Variants in KTN1 observed in about 807,000 individuals in gnomAD.
KTN1 encodes the protein kinectin.
Under a neutral mutation model 222.5 loss-of-function variants are expected in KTN1, and 130 were observed. That is an observed-to-expected ratio of 0.58 (90% CI 0.51 to 0.68). The LOEUF (loss-of-function observed/expected upper bound fraction) is 0.68, where lower values mean the gene tolerates loss of function less well. KTN1 is among the 30% of genes least tolerant of loss of function. KTN1 has a pLI of 0.00. For missense variants in KTN1, 1,508 were observed against 1,500.4 expected (o/e 1.01, Z -0.08); for synonymous variants, 512 against 496.3 (o/e 1.03, Z -0.42).
chr14:55,648,654 A>C, intron 20 of KTN1, 148 bp from the exon 21 acceptor site: 1 of 657,314 alleles, frequency 1.5e-6, no homozygotes, highest in South Asian at 1.7e-5. Flanking sequence ...TAGACATTAC[A>C]GAATTATAGA....
intron 1 of KTN1, among the ~76,000 whole-genome samples, chr14:55,584,707 A>G (rs1264839789): frequency 1.3e-5 from 2 of 150,990 alleles, no homozygotes; most frequent in Admixed American, 6.6e-5. Flanking sequence ...TCTCTTCCAC[A>G]TAACCCTCAA....
At chr14:55,652,631 C>T (rs922402806) in intron 25 of KTN1, among the ~76,000 whole-genome samples, 10 of 152,154 alleles carry the variant, frequency 6.6e-5, no homozygotes, top group Non-Finnish European at 1.2e-4. Flanking sequence ...GATCTCCTGA[C>T]CTTGTGATCC....
chr14:55,606,907 G>A (rs1328182123), intron 1 of KTN1, among the ~76,000 whole-genome samples: 2 of 152,122 alleles, frequency 1.3e-5, no homozygotes, highest in Non-Finnish European at 2.9e-5. Context: ...TCTTTCTGCT[G>A]TGTAATGTAT....
rs1288345116 is a variant in KTN1, at chr14:55,679,498, T to G, written c.3949-67T>G. 5 of 1,316,514 alleles carry G rather than the reference T, an allele frequency of 3.8e-6. No individual in the cohort carries two copies. The East Asian group carries it at 1.2e-4, about 31-fold the overall frequency. The allele number at this position is 1,316,514 out of a possible 1,614,324, so 81.6% of individuals were successfully genotyped here. A position where few individuals can be genotyped will look rare whatever the true frequency, so the allele number is the denominator to read the frequency against. On this transcript the variant is annotated intron_variant, in intron 42 of 43. Coordinates refer to ENST00000395314, the MANE Select transcript of KTN1 (RefSeq NM_001079521.2). ...TTTAAATCAGCAATATAACATTTTC[T>G]GTTGTTTGGTTTTACATTTCTTTTC...
intron 1 of KTN1, among the ~76,000 whole-genome samples, chr14:55,611,744 A>C (rs1174444485): frequency 6.6e-6 from 1 of 152,210 alleles, no homozygotes; most frequent in African/African-American, 2.4e-5. Flanking sequence ...TGAATATTTA[A>C]ATTTTTTCTC....
At chr14:55,653,953 C>G (rs949480051) in intron 28 of KTN1, among the ~76,000 whole-genome samples, 24 of 152,186 alleles carry the variant, frequency 1.6e-4, no homozygotes, top group African/African-American at 5.1e-4. Context: ...TTAGTAACAT[C>G]TCTGAATTAA....
At position 55,612,342 on chromosome 14, in the gene KTN1, A is replaced by G; in HGVS notation, c.294A>G (p.Ala98=). 6.2e-7 allele frequency: 1 copy of G among 1,614,150 alleles called. No individual in the cohort carries two copies. Residue 98 remains alanine, a synonymous_variant, in exon 2 of 44, where the codon GCA becomes GCG. Transcript: ENST00000395314. ...TGGCAGTAGAAGATGATCAAGTTGC[A>G]CCTGTTCCATTGAATGTCGTTGAAA... is the stretch of plus-strand genomic sequence containing the variant. ...DALAVEDDQV[A]PVPLNVVETS...
Position 55,612,244 on chromosome 14 carries a change from G to A in KTN1, c.196G>A (p.Glu66Lys). ...KAEKKKNKKK[E>K]IQNGNLHESD... The stretch of plus-strand genomic sequence containing the variant: ...AGAAAAGAAAAAGAATAAAAAGAAA[G>A]AAATCCAGAATGGAAACCTCCATGA... The change falls in exon 2 of 44, where the codon GAA becomes AAA. Residue 66 changes from glutamate (E) to lysine (K), a missense_variant. Coordinates refer to ENST00000395314, the MANE Select transcript of KTN1 (RefSeq NM_001079521.2). The A allele has an allele frequency of 1.3e-6, 2 of 1,586,244 alleles. No homozygotes were observed. Among genetic ancestry groups the A allele is most frequent in the Non-Finnish European group, 8.5e-7 (1 of 1,173,094 alleles).
rs544772039 is a variant in KTN1 at position 55,624,266 on chromosome 14, T to G, written c.964-3646T>G. On this transcript the variant is annotated intron_variant, in intron 5 of 43. Transcript: ENST00000395314. ...CACAGACTGTTCGAAGTCGCAGAGGTAATTGAATCCTTGTGCTGAATAAAG... is the reference window on the plus strand; with the variant it reads ...CACAGACTGTTCGAAGTCGCAGAGGGAATTGAATCCTTGTGCTGAATAAAG... Among the ~76,000 whole-genome samples, 8 of 152,250 alleles carry G rather than the reference T, an allele frequency of 5.3e-5. 1 individual carries two copies. Among genetic ancestry groups the G allele is most frequent in the African/African-American group, 1.9e-4 (8 of 41,540 alleles).
At chr14:55,632,180 TTTC>T (rs1220691189) in intron 7 of KTN1, among the ~76,000 whole-genome samples, 1 of 152,210 alleles carries the variant, frequency 6.6e-6, no homozygotes, top group Non-Finnish European at 1.5e-5. Context: ...CAAGTGATCT[TTTC>T]TTCTTAATTC....
chr14:55,645,377 C>CCTGAT (rs1357990068), intron 18 of KTN1, among the ~76,000 whole-genome samples: 1 of 152,138 alleles, frequency 6.6e-6, no homozygotes, highest in Non-Finnish European at 1.5e-5. Context: ...GGACCATGAA[C>CCTGAT]CTGATGCAGC....
chr14:55,659,308 T>G (rs3765515), intron 30 of KTN1, among the ~76,000 whole-genome samples: 51,996 of 137,902 alleles, frequency 0.38, 8,962 homozygotes, highest in South Asian at 0.44. Context: ...TTGATTTCTG[T>G]TTTTTTTTTT....
At chr14:55,584,633 C>T (rs1227503852) in intron 1 of KTN1, among the ~76,000 whole-genome samples, 1 of 152,152 alleles carries the variant, frequency 6.6e-6, no homozygotes, top group Admixed American at 6.5e-5. Flanking sequence ...GTACCTTGCT[C>T]CGTTTTCTTT....
intron 5 of KTN1, among the ~76,000 whole-genome samples, chr14:55,620,083 T>A (rs1365305504): frequency 2.0e-5 from 3 of 152,208 alleles, no homozygotes; most frequent in African/African-American, 7.2e-5. Context: ...ATAAAAGGGC[T>A]ACAGGCCCCA....
At chr14:55,595,035 A>G (rs2034786696) in intron 1 of KTN1, among the ~76,000 whole-genome samples, 1 of 152,244 alleles carries the variant, frequency 6.6e-6, no homozygotes, top group Non-Finnish European at 1.5e-5. Flanking sequence ...AGTTGTTCAC[A>G]ACACGGGAAA....
intron 18 of KTN1, among the ~76,000 whole-genome samples, chr14:55,646,353 A>G (rs918463711): frequency 2.0e-5 from 3 of 150,982 alleles, no homozygotes; most frequent in African/African-American, 7.3e-5. Flanking sequence ...ACACCTTAGT[A>G]TAGAAAAAAA....
rs1253844454 is a variant in KTN1, at chr14:55,649,789, C to G, written c.2381C>G (p.Ser794Cys). 1 of 1,521,484 alleles carries G rather than the reference C, an allele frequency of 6.6e-7. No individual in the cohort carries two copies. The highest frequency in any genetic ancestry group is 1.2e-5 in the South Asian group (1 of 85,170). 94.2% of individuals were successfully genotyped at this position (1,521,484 alleles called of 1,614,324 possible). ...AKQNDQVSFA[S>C]LVEELKKVIH... ...TCCTATTTCCAGGTTTCTTTTGCCT[C>G]TCTAGTTGAAGAACTTAAGAAAGTG... Residue 794 changes from serine to cysteine, a missense_variant, in exon 22 of 44, where the codon TCT becomes TGT. Transcript: ENST00000395314.
chr14:55,583,596 G>A (rs180948319), intron 1 of KTN1, among the ~76,000 whole-genome samples: 216 of 152,192 alleles, frequency 1.4e-3, no homozygotes, highest in Middle Eastern at 3.4e-3. Flanking sequence ...TAATTGCTTT[G>A]TTCATTCTAT....
intron 18 of KTN1, among the ~76,000 whole-genome samples, chr14:55,643,644 T>TA (rs1288134147): frequency 1.3e-5 from 2 of 152,222 alleles, no homozygotes; most frequent in Non-Finnish European, 2.9e-5. Context: ...TGGCGACTCT[T>TA]ATTTAAACAG....
Sources: gnomAD v4.1 joint callset for allele counts (sites outside exome capture counted in the v4.1 genomes callset) on GRCh38, gnomAD v4.1.1 for gene constraint, MANE v1.5 for transcripts, NCBI Gene and HGNC (gene_info 2026-07-23, HGNC 2026-07-21) for gene names.